Variants in IKZF2 observed in about 807,000 individuals in gnomAD.
IKZF2 encodes the protein IKAROS family zinc finger 2.
Under a neutral mutation model 49.2 loss-of-function variants are expected in IKZF2, and 15 were observed. The observed-to-expected ratio is 0.30, with a 90% CI of 0.20 to 0.47. The LOEUF (loss-of-function observed/expected upper bound fraction) is 0.47, where lower values mean the gene tolerates loss of function less well. Among genes scored for constraint, IKZF2 ranks in the 20% least tolerant of loss-of-function variants. The pLI is 1.00. For synonymous variants in IKZF2, 227 were observed against 221.4 expected (o/e 1.03, Z -0.23); for missense variants, 567 against 664.6 (o/e 0.85, Z 1.61).
chr2:213,026,974 TA>T (rs879752301), intron 6 of IKZF2, among the ~76,000 whole-genome samples: 15 of 151,816 alleles, frequency 9.9e-5, no homozygotes, highest in Admixed American at 2.0e-4. Context: ...GATATGCCCA[TA>T]AAAAAAATCA....
At chr2:213,083,303 CT>C (rs1704162376) in intron 4 of IKZF2, among the ~76,000 whole-genome samples, 1 of 151,616 alleles carries the variant, frequency 6.6e-6, no homozygotes, top group South Asian at 2.1e-4. Context: ...ATTTACAGCA[CT>C]TCCCATCTCT....
chr2:213,127,253 T>C (rs990462319), intron 4 of IKZF2, among the ~76,000 whole-genome samples: 1 of 152,168 alleles, frequency 6.6e-6, no homozygotes, highest in Non-Finnish European at 1.5e-5. Context: ...AGTGGCAGGT[T>C]GTGGAGAAGG....
chr2:213,124,238 G>A (rs3953340), intron 4 of IKZF2, among the ~76,000 whole-genome samples: 83,573 of 114,838 alleles, frequency 0.73, 31,600 homozygotes, highest in Non-Finnish European at 0.85. Flanking sequence ...GCACACATGC[G>A]CTCGCGCGCG....
intron 5 of IKZF2, chr2:213,056,460 G>C: frequency 3.2e-6 from 1 of 316,864 alleles, no homozygotes; most frequent in African/African-American, 2.2e-5. Flanking sequence ...GTGCCATTTT[G>C]TAGTATAAAC....
At chr2:213,095,228 A>C (rs1260694380) in intron 4 of IKZF2, among the ~76,000 whole-genome samples, 1 of 152,148 alleles carries the variant, frequency 6.6e-6, no homozygotes, top group Non-Finnish European at 1.5e-5. Flanking sequence ...GCTTTCTTTT[A>C]GGATAAAGTA....
intron 4 of IKZF2, among the ~76,000 whole-genome samples, chr2:213,088,298 T>G (rs375930316): frequency 5.9e-5 from 9 of 152,224 alleles, no homozygotes; most frequent in Non-Finnish European, 1.3e-4. Flanking sequence ...GCTACATAAA[T>G]GTCTTCTTTC....
chr2:213,055,765 T>C (rs1192437481), intron 5 of IKZF2, among the ~76,000 whole-genome samples: 1 of 152,150 alleles, frequency 6.6e-6, no homozygotes, highest in Non-Finnish European at 1.5e-5. Flanking sequence ...ATGTGTATTA[T>C]GAAAGGTTCG....
intron 1 of IKZF2, chr2:213,150,459 C>CCTT: frequency 4.3e-6 from 1 of 234,866 alleles, no homozygotes; most frequent in South Asian, 4.9e-5. Flanking sequence ...ACACCCCCCT[C>CCTT]CTCCTCCTCC....
At chr2:213,020,127 G>T (rs1697045222) in intron 7 of IKZF2, among the ~76,000 whole-genome samples, 1 of 152,076 alleles carries the variant, frequency 6.6e-6, no homozygotes, top group African/African-American at 2.4e-5. Flanking sequence ...AAAACTAGTA[G>T]CAATGCCATA....
intron 4 of IKZF2, among the ~76,000 whole-genome samples, chr2:213,138,203 C>CTA (rs2060744723): frequency 6.6e-6 from 1 of 151,964 alleles, no homozygotes; most frequent in Non-Finnish European, 1.5e-5. Context: ...CTTAAATGTG[C>CTA]TATATCAAGA....
chr2:213,150,318 C>T (rs2126001741), intron 1 of IKZF2, 71 bp from the exon 2 acceptor site: 3 of 534,130 alleles, frequency 5.6e-6, no homozygotes, highest in East Asian at 6.8e-5. Context: ...CTCCCTTGCC[C>T]CCTCCAAGCC....
intron 5 of IKZF2, among the ~76,000 whole-genome samples, chr2:213,054,744 T>G (rs116954265): frequency 1.3e-5 from 2 of 152,308 alleles, no homozygotes; most frequent in East Asian, 3.9e-4. Context: ...GTGTTGCAAG[T>G]GTACTTTAAC....
rs76127253 is a variant in IKZF2 at position 213,083,124 on chromosome 2, T to G, written c.140-26025A>C. 3.1e-4 allele frequency among the ~76,000 whole-genome samples: 47 copies of G among 152,256 alleles called. No homozygotes were observed. The East Asian group carries it at 9.1e-3, about 29-fold the overall frequency. On this transcript the variant is annotated intron_variant, in intron 4 of 8. Transcript: ENST00000434687. Reference sequence around the variant, plus strand: ...AAAACTATAGCCAGAAAGTAAGACATGCTAAAATTAAACACTACTTTAAGT... The same window carrying G: ...AAAACTATAGCCAGAAAGTAAGACAGGCTAAAATTAAACACTACTTTAAGT...
At chr2:213,058,126 T>C (rs966847468) in intron 4 of IKZF2, among the ~76,000 whole-genome samples, 7 of 152,174 alleles carry the variant, frequency 4.6e-5, no homozygotes, top group African/African-American at 1.7e-4. Flanking sequence ...TAAGTTCTTT[T>C]CATTGCCGTT....
chr2:213,056,517 T>G (rs1375835740), intron 5 of IKZF2: 1 of 438,754 alleles, frequency 2.3e-6, no homozygotes, highest in Non-Finnish European at 4.2e-6. Flanking sequence ...TGGTAAAATA[T>G]GTATAGAAAT....
intron 4 of IKZF2, among the ~76,000 whole-genome samples, chr2:213,103,601 G>A (rs2125715976): frequency 6.6e-6 from 1 of 152,178 alleles, no homozygotes; most frequent in East Asian, 1.9e-4. Flanking sequence ...TTAATTCTCT[G>A]AAAGGAAATG....
chr2:213,034,639 A>G (rs890689240), intron 6 of IKZF2, among the ~76,000 whole-genome samples: 1 of 152,238 alleles, frequency 6.6e-6, no homozygotes, highest in Admixed American at 6.5e-5. Flanking sequence ...GCCAGCCTGT[A>G]TAGGTGTGGT....
rs932494749 is a variant in IKZF2, at chr2:213,000,624, T to C, written c.*6736A>G. The C allele has an allele frequency of 6.6e-6, 1 of 151,848 alleles. No homozygotes were observed. The highest frequency in any genetic ancestry group is 1.5e-5 in the Non-Finnish European group (1 of 67,620). 9.4% of individuals were successfully genotyped at this position (151,848 alleles called of 1,614,324 possible). The stretch of plus-strand genomic sequence containing the variant: ...AATTAGCACACTACATATAAATATG[T>C]ATAAGAAAAATACCTCTTACTTAAA... On this transcript the variant is annotated 3_prime_UTR_variant, in exon 9 of 9. Coordinates refer to ENST00000434687, the MANE Select transcript of IKZF2 (RefSeq NM_001387220.1).
At chr2:213,144,011 T>C (rs1298262359) in intron 4 of IKZF2, among the ~76,000 whole-genome samples, 1 of 151,916 alleles carries the variant, frequency 6.6e-6, no homozygotes. Flanking sequence ...AAGAGGTAAA[T>C]TGATTTCTTC....
Sources: allele counts gnomAD v4.1 joint callset (sites outside exome capture counted in the v4.1 genomes callset), GRCh38; gene constraint gnomAD v4.1.1; transcripts MANE v1.5; gene names NCBI Gene and HGNC (gene_info 2026-07-23, HGNC 2026-07-21).